The following SGCZ variants were observed in gnomAD, a reference collection of about 807,000 sequenced individuals.
The protein encoded by SGCZ is zeta-sarcoglycan.
In SGCZ, 40 loss-of-function variants were observed where a neutral mutation model predicts 41.3. That is an observed-to-expected ratio of 0.97 (90% CI 0.75 to 1.26). The LOEUF is 1.26. Among genes scored for constraint, SGCZ ranks in the 50% most tolerant of loss-of-function variants. The pLI, the probability that SGCZ is intolerant of heterozygous loss-of-function variation, is 0.00. For synonymous variants in SGCZ, 206 were observed against 137.5 expected (o/e 1.50, Z -3.49); for missense variants, 552 against 369.8 (o/e 1.49, Z -4.04).
intron 1 of SGCZ, among the ~76,000 whole-genome samples, chr8:14,697,660 T>G (rs1307066096): frequency 6.6e-6 from 1 of 152,000 alleles, no homozygotes; most frequent in African/African-American, 2.4e-5. Context: ...AGAACATGCT[T>G]GAGAATTTCC....
intron 1 of SGCZ, among the ~76,000 whole-genome samples, chr8:14,997,655 T>G (rs977455013): frequency 6.6e-6 from 1 of 152,148 alleles, no homozygotes; most frequent in African/African-American, 2.4e-5. Context: ...ATACTTAAGA[T>G]TCAGACAATT....
At chr8:15,076,847 A>AG (rs943318215) in intron 1 of SGCZ, among the ~76,000 whole-genome samples, 9 of 150,076 alleles carry the variant, frequency 6.0e-5, no homozygotes, top group East Asian at 2.0e-4. Context: ...TCTCAAAGAG[A>AG]GGGAAAAAAA....
chr8:14,310,642 C>T (rs1252779751), intron 3 of SGCZ, among the ~76,000 whole-genome samples: 3 of 152,048 alleles, frequency 2.0e-5, no homozygotes, highest in Non-Finnish European at 2.9e-5. Context: ...TATTAAGACA[C>T]TATACAAAAC....
chr8:15,141,838 T>C (rs931599348), intron 1 of SGCZ, among the ~76,000 whole-genome samples: 3 of 151,372 alleles, frequency 2.0e-5, no homozygotes, highest in African/African-American at 4.9e-5. Flanking sequence ...GAAGCGGAGA[T>C]TGCAGTGAGC....
At chr8:14,484,984 C>G (rs1295317184) in intron 2 of SGCZ, among the ~76,000 whole-genome samples, 1 of 152,150 alleles carries the variant, frequency 6.6e-6, no homozygotes, top group Non-Finnish European at 1.5e-5. Flanking sequence ...AAATAATACA[C>G]TTTTGCTCAC....
At chr8:14,234,083 C>T (rs1473460888) in intron 4 of SGCZ, among the ~76,000 whole-genome samples, 1 of 151,970 alleles carries the variant, frequency 6.6e-6, no homozygotes, top group Non-Finnish European at 1.5e-5. Flanking sequence ...ATTATTTGGT[C>T]AAATTCATAA....
chr8:14,655,723 A>G (rs1271068280), intron 1 of SGCZ, among the ~76,000 whole-genome samples: 4 of 152,118 alleles, frequency 2.6e-5, no homozygotes, highest in East Asian at 1.9e-4. Flanking sequence ...GAATATTTCC[A>G]TCACAATAAG....
intron 3 of SGCZ, among the ~76,000 whole-genome samples, chr8:14,298,846 T>C (rs1801100137): frequency 6.6e-6 from 1 of 151,982 alleles, no homozygotes; most frequent in Non-Finnish European, 1.5e-5. Context: ...GAAATCAACA[T>C]TTTTATATGG....
chr8:14,733,219 A>T (rs548059016), intron 1 of SGCZ, among the ~76,000 whole-genome samples: 106 of 152,270 alleles, frequency 7.0e-4, no homozygotes, highest in Middle Eastern at 3.4e-3. Context: ...GTATCTAGGG[A>T]CAATCTAGGC....
intron 3 of SGCZ, among the ~76,000 whole-genome samples, chr8:14,275,006 C>A (rs1800180459): frequency 6.6e-6 from 1 of 152,082 alleles, no homozygotes; most frequent in African/African-American, 2.4e-5. Flanking sequence ...AAATATTATT[C>A]ATTCGATATT....
intron 2 of SGCZ, among the ~76,000 whole-genome samples, chr8:14,485,966 C>T (rs908203900): frequency 6.6e-6 from 1 of 151,502 alleles, no homozygotes; most frequent in Non-Finnish European, 1.5e-5. Context: ...CTCAGCCTCC[C>T]GAGTAGCTGG....
chr8:14,133,772 G>A (rs113105712), intron 5 of SGCZ, among the ~76,000 whole-genome samples: 10 of 151,770 alleles, frequency 6.6e-5, no homozygotes, highest in African/African-American at 2.4e-4. Flanking sequence ...TGCTTCTTTA[G>A]GAGGATGAAA....
At chr8:14,824,606 T>A (rs1040241894) in intron 1 of SGCZ, among the ~76,000 whole-genome samples, 1 of 152,062 alleles carries the variant, frequency 6.6e-6, no homozygotes, top group Non-Finnish European at 1.5e-5. Flanking sequence ...ATTCTCATCA[T>A]GTGAAGACCA....
intron 1 of SGCZ, among the ~76,000 whole-genome samples, chr8:14,618,859 G>A (rs1389964838): frequency 6.6e-6 from 1 of 152,064 alleles, no homozygotes; most frequent in African/African-American, 2.4e-5. Context: ...AAGAGAAAAA[G>A]ATAACACCAA....
chr8:14,094,147 A>AT (rs1028156167), intron 7 of SGCZ, among the ~76,000 whole-genome samples: 4 of 151,930 alleles, frequency 2.6e-5, no homozygotes, highest in African/African-American at 9.7e-5. Flanking sequence ...TTTTAAAAAG[A>AT]TTTTTTTAAC....
At chr8:14,610,891 T>G (rs374228605) in intron 1 of SGCZ, among the ~76,000 whole-genome samples, 1 of 152,176 alleles carries the variant, frequency 6.6e-6, no homozygotes, top group East Asian at 1.9e-4. Flanking sequence ...AGATAATATT[T>G]ATGGAATTGT....
intron 1 of SGCZ, among the ~76,000 whole-genome samples, chr8:14,736,408 G>T (rs953401279): frequency 5.9e-5 from 9 of 152,188 alleles, no homozygotes; most frequent in Middle Eastern, 3.4e-3. Flanking sequence ...ATGAAAGAAA[G>T]CATTTGTTTC....
chr8:14,096,727 C>G (rs1801856033), intron 7 of SGCZ, among the ~76,000 whole-genome samples: 1 of 152,064 alleles, frequency 6.6e-6, no homozygotes, highest in African/African-American at 2.4e-5. Context: ...TTGTATCTGT[C>G]TGGTCCAGAA....
chr8:15,048,632 T>A (rs1000244545), intron 1 of SGCZ, among the ~76,000 whole-genome samples: 1 of 151,998 alleles, frequency 6.6e-6, no homozygotes, highest in Non-Finnish European at 1.5e-5. Flanking sequence ...ATTTTAAAAA[T>A]TGTGAAAAAG....
Sources: allele counts gnomAD v4.1 joint callset (sites outside exome capture counted in the v4.1 genomes callset), GRCh38; gene constraint gnomAD v4.1.1; transcripts MANE v1.5; gene names NCBI Gene and HGNC (gene_info 2026-07-23, HGNC 2026-07-21).